Variants in EXT2 observed in about 807,000 individuals in gnomAD.
EXT2 encodes exostosin-2.
EXT2 carries 53 observed loss-of-function variants against 81.6 expected under a neutral mutation model. That is an observed-to-expected ratio of 0.65 (90% CI 0.52 to 0.82). The LOEUF is 0.82. EXT2 is among the 40% of genes least tolerant of loss of function. The pLI, the probability that EXT2 is intolerant of heterozygous loss-of-function variation, is 0.00. For missense variants in EXT2, 774 were observed against 910.2 expected (o/e 0.85, Z 1.93); for synonymous variants, 320 against 340.0 (o/e 0.94, Z 0.65).
chr11:44,127,365 C>T (rs1954423494), intron 6 of EXT2, among the ~76,000 whole-genome samples: 1 of 152,172 alleles, frequency 6.6e-6, no homozygotes, highest in Non-Finnish European at 1.5e-5. Flanking sequence ...AGGTGACCAG[C>T]GGGCCAGTGA....
rs374137773 is a variant in EXT2 at position 44,198,043 on chromosome 11, A to G, written c.1495+25A>G. The G allele has an allele frequency of 4.0e-5, 64 of 1,613,126 alleles. No homozygotes were observed. In the African/African-American group the frequency reaches 7.6e-4, roughly 19 times the overall value. ...GGTAAGAAGCCTTAGTGCCTCTCTC[A>G]GCTGGATCAATTTTGGATGGCCAAA... On this transcript the variant is annotated intron_variant, in intron 9 of 13. Transcript: ENST00000533608.
intron 7 of EXT2, among the ~76,000 whole-genome samples, chr11:44,131,908 T>G (rs2135034205): frequency 6.6e-6 from 1 of 152,232 alleles, no homozygotes; most frequent in South Asian, 2.1e-4. Context: ...CGGCTAATTT[T>G]GGTACTTTCA....
At chr11:44,096,688 T>TG (rs1338080231) in intron 1 of EXT2, among the ~76,000 whole-genome samples, 2 of 152,208 alleles carry the variant, frequency 1.3e-5, no homozygotes, top group Non-Finnish European at 2.9e-5. Flanking sequence ...CAGAGGTGTT[T>TG]GGGGCTTTGT....
At chr11:44,119,169 T>TACACAC (rs1555004305) in intron 4 of EXT2, among the ~76,000 whole-genome samples, 43 of 63,122 alleles carry the variant, frequency 6.8e-4, no homozygotes, top group East Asian at 2.9e-3. Flanking sequence ...TATATATATA[T>TACACAC]ACACATACAC....
chr11:44,198,502 T>C (rs1356540637), intron 9 of EXT2, among the ~76,000 whole-genome samples: 1 of 152,224 alleles, frequency 6.6e-6, no homozygotes, highest in Non-Finnish European at 1.5e-5. Flanking sequence ...CCATTGGTTC[T>C]TCCTTAATCA....
At chr11:44,125,125 T>C in intron 5 of EXT2, 141 bp downstream of exon 5, 3 of 812,440 alleles carry the variant, frequency 3.7e-6, no homozygotes, top group Non-Finnish European at 6.1e-6. Context: ...TGCTCTTTAC[T>C]GGACATGTAG....
intron 4 of EXT2, 133 bp from the exon 5 acceptor site, chr11:44,124,653 AGAT>A: frequency 1.4e-6 from 1 of 713,786 alleles, no homozygotes; most frequent in Non-Finnish European, 2.5e-6. Context: ...ATACTACAGA[AGAT>A]AATTTTAAAA....
At chr11:44,214,611 G>A (rs527396378) in intron 10 of EXT2, among the ~76,000 whole-genome samples, 24 of 152,008 alleles carry the variant, frequency 1.6e-4, no homozygotes, top group Non-Finnish European at 2.9e-4. Flanking sequence ...AAAGTCATTC[G>A]TAATATTCTC....
At chr11:44,204,793 C>G (rs1162682255) in intron 9 of EXT2, among the ~76,000 whole-genome samples, 1 of 152,186 alleles carries the variant, frequency 6.6e-6, no homozygotes, top group Non-Finnish European at 1.5e-5. Flanking sequence ...CCCCGCCCCT[C>G]CTTCCCCTAC....
intron 7 of EXT2, among the ~76,000 whole-genome samples, chr11:44,142,694 C>G (rs1954662065): frequency 6.6e-6 from 1 of 152,102 alleles, no homozygotes; most frequent in Non-Finnish European, 1.5e-5. Flanking sequence ...AAGCTGCAGA[C>G]TATGGTTGAG....
Position 44,114,250 on chromosome 11 carries a change from C to T in EXT2, c.692C>T (p.Pro231Leu), listed in dbSNP as rs1327238320. 1 of 1,613,974 alleles carries T rather than the reference C, an allele frequency of 6.2e-7. No individual in the cohort carries two copies. Among genetic ancestry groups the T allele is most frequent in the African/African-American group, 1.3e-5 (1 of 74,904 alleles). The part of the protein sequence containing the change: ...TYRQGYDVSI[P>L]VYSPLSAEVD... Reference sequence around the variant, plus strand: ...CGGCAAGGCTACGATGTCAGCATTCCTGTCTATAGTCCACTGTCAGCTGAG... The same window carrying T: ...CGGCAAGGCTACGATGTCAGCATTCTTGTCTATAGTCCACTGTCAGCTGAG... The change falls in exon 4 of 14, where the codon CCT (proline) becomes CTT (leucine). Residue 231 changes from proline to leucine, a missense_variant. Transcript: ENST00000533608.
intron 13 of EXT2, among the ~76,000 whole-genome samples, chr11:44,242,470 A>G (rs955086310): frequency 6.6e-6 from 1 of 150,544 alleles, no homozygotes; most frequent in Non-Finnish European, 1.5e-5. Flanking sequence ...CTGGCATGTA[A>G]TGGTAGAGTG....
intron 7 of EXT2, among the ~76,000 whole-genome samples, chr11:44,137,251 A>G (rs1338293164): frequency 6.6e-6 from 1 of 152,220 alleles, no homozygotes; most frequent in Non-Finnish European, 1.5e-5. Flanking sequence ...CAGATTTACA[A>G]TGCACTAGGG....
intron 9 of EXT2, 32 bp from the exon 10 acceptor site, chr11:44,206,761 G>A: frequency 6.2e-7 from 1 of 1,613,002 alleles, no homozygotes; most frequent in East Asian, 2.2e-5. Flanking sequence ...CAAAAGTTAG[G>A]AGAATAGTAA....
chr11:44,141,985 AGTGTCAAT>A lies in EXT2; in HGVS notation c.1173+11852_1173+11859del, dbSNP rs550210819. 2.8e-4 allele frequency among the ~76,000 whole-genome samples: 42 copies of A among 152,354 alleles called. No individual in the cohort carries two copies. In the East Asian group the frequency reaches 8.1e-3, roughly 29 times the overall value. On this transcript the variant is annotated intron_variant, in intron 7 of 13. Coordinates refer to ENST00000533608, the MANE Select transcript of EXT2 (RefSeq NM_207122.2). ...CAATACAATAACTTGTAAAGTATCA[AGTGTCAAT>A]GTGTTTGGTAGAGAACTCAGTGTTT...
chr11:44,119,161 TATATATATAC>T lies in EXT2; in HGVS notation c.743+4862_743+4871del, dbSNP rs1954275478. 1.1e-4 allele frequency among the ~76,000 whole-genome samples: 5 copies of T among 46,920 alleles called. 1 individual carries two copies. Among genetic ancestry groups the T allele is most frequent in the African/African-American group, 3.1e-4 (5 of 15,944 alleles). 30.8% of individuals were successfully genotyped at this position (46,920 alleles called of 152,430 possible). ...ATATATATATATATATATATATATATATATATATACACATACACACACACACACACACATT... is the reference window on the plus strand; with the variant it reads ...ATATATATATATATATATATATATATACATACACACACACACACACACATT... On this transcript the variant is annotated intron_variant, in intron 4 of 13. Coordinates refer to ENST00000533608, the MANE Select transcript of EXT2 (RefSeq NM_207122.2).
At chr11:44,166,125 C>T (rs1001605214) in intron 7 of EXT2, among the ~76,000 whole-genome samples, 1 of 152,170 alleles carries the variant, frequency 6.6e-6, no homozygotes, top group Non-Finnish European at 1.5e-5. Context: ...AACTCACAGT[C>T]TAGCTGGAGA....
At chr11:44,129,429 T>C (rs2135027185) in intron 6 of EXT2, among the ~76,000 whole-genome samples, 1 of 152,200 alleles carries the variant, frequency 6.6e-6, no homozygotes, top group East Asian at 1.9e-4. Flanking sequence ...CCAGCCACAA[T>C]AGCCTCCTTG....
At chr11:44,143,050 C>G (rs149885660) in intron 7 of EXT2, among the ~76,000 whole-genome samples, 1 of 152,212 alleles carries the variant, frequency 6.6e-6, no homozygotes. Flanking sequence ...CTCCCAGGTT[C>G]GAGCGATTCT....
Sources: gnomAD v4.1 joint callset for allele counts (sites outside exome capture counted in the v4.1 genomes callset) on GRCh38, gnomAD v4.1.1 for gene constraint, MANE v1.5 for transcripts, NCBI Gene and HGNC (gene_info 2026-07-23, HGNC 2026-07-21) for gene names.